Variants in SLX9 observed in about 807,000 individuals in gnomAD.
SLX9 encodes the protein ribosome biogenesis protein SLX9 homolog.
A neutral mutation model predicts 20.8 loss-of-function variants in SLX9; 19 were observed. The observed-to-expected ratio is 0.91, with a 90% CI of 0.64 to 1.34. SLX9 has a LOEUF of 1.34. Among genes scored for constraint, SLX9 ranks in the 40% most tolerant of loss-of-function variants. The pLI, the probability that SLX9 is intolerant of heterozygous loss-of-function variation, is 0.00. For missense variants in SLX9, 299 were observed against 322.2 expected, an observed-to-expected ratio of 0.93 and a Z score of 0.55; for synonymous variants, 113 against 137.1, an observed-to-expected ratio of 0.82 and a Z score of 1.23.
At chr21:44,953,949 C>T (rs2084807637) in intron 2 of SLX9, among the ~76,000 whole-genome samples, 1 of 152,184 alleles carries the variant, frequency 6.6e-6, no homozygotes, top group Non-Finnish European at 1.5e-5. Flanking sequence ...TGTATGGGGA[C>T]GGCGGTGGTT....
intron 2 of SLX9, among the ~76,000 whole-genome samples, chr21:44,955,649 A>T (rs1416369734): frequency 6.6e-6 from 1 of 152,132 alleles, no homozygotes; most frequent in Non-Finnish European, 1.5e-5. Context: ...CCTCCTGAGC[A>T]GCTGGGACCA....
chr21:44,952,348 G>T (rs1222826088), intron 2 of SLX9, among the ~76,000 whole-genome samples: 1 of 152,262 alleles, frequency 6.6e-6, no homozygotes, highest in Non-Finnish European at 1.5e-5. Flanking sequence ...GCCACTCAGG[G>T]AGTGACTCCT....
chr21:44,975,995 C>T (rs2085254005), intron 5 of SLX9, among the ~76,000 whole-genome samples: 1 of 152,266 alleles, frequency 6.6e-6, no homozygotes, highest in Non-Finnish European at 1.5e-5. Context: ...GTACAGGCCC[C>T]ACCTCCCCGC....
At chr21:44,943,866 T>C (rs1340453377) in intron 2 of SLX9, 29 bp downstream of exon 2, 5 of 1,613,662 alleles carry the variant, frequency 3.1e-6, no homozygotes, top group African/African-American at 2.7e-5. Context: ...GTTACCATGC[T>C]GATACCCAGC....
chr21:44,963,296 A>T (rs2084978042), intron 3 of SLX9, among the ~76,000 whole-genome samples: 1 of 151,700 alleles, frequency 6.6e-6, no homozygotes, highest in African/African-American at 2.4e-5. Context: ...TCACCGTGTT[A>T]GCAGGATGGT....
chr21:44,967,178 G>C lies in SLX9; in HGVS notation c.497G>C (p.Arg166Pro), dbSNP rs61746213. ...GLEAGSRRQA[R>P]SRESNKPRPS... ...GAGGCTGGCAGCCGGCGCCAAGCCC[G>C]CAGGTGAGTGTCCGGGAGGGGTGGC... The change falls in exon 4 of 6, where the codon CGC (arginine) becomes CCC (proline). Residue 166 changes from arginine (R) to proline (P), a missense_variant. Physicochemically the swap from Arg to Pro is moderately radical, Grantham distance 103 (BLOSUM62 -2). Transcript: ENST00000291634. 2 of 1,579,658 alleles carry C rather than the reference G, an allele frequency of 1.3e-6. No homozygotes were observed. Among genetic ancestry groups the C allele is most frequent in the East Asian group, 2.2e-5 (1 of 44,586 alleles).
At chr21:44,968,721 G>A (rs1185874946) in intron 4 of SLX9, among the ~76,000 whole-genome samples, 2 of 148,768 alleles carry the variant, frequency 1.3e-5, no homozygotes, top group African/African-American at 5.2e-5. Context: ...TCAGCTTCTG[G>A]GCCTTCCTCA....
intron 2 of SLX9, among the ~76,000 whole-genome samples, chr21:44,956,349 T>G (rs191242275): frequency 6.6e-4 from 100 of 152,326 alleles, no homozygotes; most frequent in African/African-American, 2.4e-3. Flanking sequence ...ATTTAATCCA[T>G]CAGGACTTTA....
intron 4 of SLX9, among the ~76,000 whole-genome samples, chr21:44,967,458 C>T (rs2085059277): frequency 1.3e-5 from 2 of 152,292 alleles, no homozygotes; most frequent in East Asian, 1.9e-4. Flanking sequence ...ATGTGCCCCT[C>T]CCCCGACATT....
chr21:44,952,495 C>T (rs1267328615), intron 2 of SLX9, among the ~76,000 whole-genome samples: 1 of 152,264 alleles, frequency 6.6e-6, no homozygotes, highest in Non-Finnish European at 1.5e-5. Flanking sequence ...AAGGTTGGCC[C>T]CAGGGCCCTC....
At chr21:44,969,612 G>A (rs939901380) in intron 4 of SLX9, among the ~76,000 whole-genome samples, 5 of 152,184 alleles carry the variant, frequency 3.3e-5, no homozygotes, top group Admixed American at 2.0e-4. Flanking sequence ...CTTTAGATTC[G>A]TAGAAAAATG....
intron 3 of SLX9, among the ~76,000 whole-genome samples, chr21:44,966,035 G>A (rs181070479): frequency 3.9e-5 from 6 of 152,148 alleles, no homozygotes; most frequent in African/African-American, 1.4e-4. Flanking sequence ...GGGGGCTGAG[G>A]ACCCAGAGGA....
chr21:44,943,558 C>A, intron 1 of SLX9, 126 bp from the exon 2 acceptor site: 1 of 1,329,514 alleles, frequency 7.5e-7, no homozygotes, highest in Non-Finnish European at 1.0e-6. Flanking sequence ...CCAGGTCCTC[C>A]CGGGCAGAGA....
intron 4 of SLX9, among the ~76,000 whole-genome samples, chr21:44,972,298 G>T (rs950603235): frequency 2.0e-5 from 3 of 152,192 alleles, no homozygotes; most frequent in African/African-American, 7.2e-5. Flanking sequence ...GTGGGCGGCT[G>T]CCTTGGCCGG....
intron 2 of SLX9, among the ~76,000 whole-genome samples, chr21:44,954,555 T>G (rs1292676733): frequency 6.6e-6 from 1 of 152,208 alleles, no homozygotes; most frequent in Non-Finnish European, 1.5e-5. Flanking sequence ...GTGAGCCGTT[T>G]GCCTTTCCTC....
At chr21:44,960,492 C>A in intron 3 of SLX9, among the ~76,000 whole-genome samples, 1 of 152,268 alleles carries the variant, frequency 6.6e-6, no homozygotes, top group African/African-American at 2.4e-5. Context: ...CTGCTCTCGG[C>A]TCCTTGTTTG....
At chr21:44,972,748 G>C (rs1023110794) in intron 4 of SLX9, among the ~76,000 whole-genome samples, 1 of 152,228 alleles carries the variant, frequency 6.6e-6, no homozygotes, top group Non-Finnish European at 1.5e-5. Flanking sequence ...TGTACTGCGG[G>C]AGTGGGACTG....
chr21:44,972,729 G>A (rs903167858), intron 4 of SLX9, among the ~76,000 whole-genome samples: 1 of 152,358 alleles, frequency 6.6e-6, no homozygotes, highest in East Asian at 1.9e-4. Context: ...GCCTTCCTGG[G>A]AAGTGGTGTG....
chr21:44,962,313 C>A (rs558270327), intron 3 of SLX9, among the ~76,000 whole-genome samples: 1 of 152,184 alleles, frequency 6.6e-6, no homozygotes, highest in Non-Finnish European at 1.5e-5. Flanking sequence ...TCACGCACCC[C>A]CCCAGTCAAT....
Sources: allele counts gnomAD v4.1 joint callset (sites outside exome capture counted in the v4.1 genomes callset), GRCh38; gene constraint gnomAD v4.1.1; transcripts MANE v1.5; gene names NCBI Gene and HGNC (gene_info 2026-07-23, HGNC 2026-07-21).